POU1F1: variants seen among roughly 807,000 people sequenced by gnomAD.
The protein encoded by POU1F1 is pituitary-specific positive transcription factor 1.
In POU1F1, 23 loss-of-function variants were observed where a neutral mutation model predicts 32.3. The observed-to-expected ratio is 0.71, with a 90% confidence interval of 0.51 to 1.01. The LOEUF (loss-of-function observed/expected upper bound fraction) is 1.01, where lower values mean the gene tolerates loss of function less well. POU1F1 is among the 50% of genes least tolerant of loss of function. The pLI is 0.00. For missense variants in POU1F1, 323 were observed against 341.6 expected (o/e 0.95, Z 0.43); for synonymous variants, 120 against 115.6 (o/e 1.04, Z -0.25).
chr3:87,264,706 A>T (rs1231990589), intron 2 of POU1F1, among the ~76,000 whole-genome samples, 194 bp from the exon 3 acceptor site: 3 of 152,262 alleles, frequency 2.0e-5, no homozygotes, highest in Admixed American at 6.5e-5. Context: ...TTTGTCTTCT[A>T]CCTTCTCCAG....
Position 87,259,958 on chromosome 3 carries a change from C to T in POU1F1, c.812G>A (p.Arg271Gln). The change falls in exon 6 of 6, where the codon CGG (arginine) becomes CAG (glutamine). Residue 271 changes from arginine to glutamine, a missense_variant. Coordinates refer to ENST00000350375, the MANE Select transcript of POU1F1 (RefSeq NM_000306.4). ...WFCNRRQREK[R>Q]VKTSLNQSLF... ...ACTCTGATTCAGACTTGTTTTCACC[C>T]GTTTTTCTCTCTGCCTCCGGTTGCA... is the stretch of plus-strand genomic sequence containing the variant. 1 of 1,614,084 alleles carries T rather than the reference C, an allele frequency of 6.2e-7. No homozygotes were observed. Among genetic ancestry groups the T allele is most frequent in the Non-Finnish European group, 8.5e-7 (1 of 1,179,992 alleles).
At chr3:87,274,674 T>C (rs300980) in intron 1 of POU1F1, among the ~76,000 whole-genome samples, 126,261 of 151,342 alleles carry the variant, frequency 0.83, 54,574 homozygotes, top group Non-Finnish European at 0.94. Context: ...TCATTAAACA[T>C]ATTTAATACT....
rs1202104946 is a variant in POU1F1 at position 87,268,134 on chromosome 3, G to A, written c.215-3622C>T. ...ACAGCGTCTCGCTCTTGTTCCCTAG[G>A]CTGGAGTGCTCTCGGCTCACTGAAA... On this transcript the variant is annotated intron_variant, in intron 2 of 5. Coordinates refer to ENST00000350375, the MANE Select transcript of POU1F1 (RefSeq NM_000306.4). Among the ~76,000 whole-genome samples the A allele has an allele frequency of 3.5e-5, 5 of 141,552 alleles. No homozygotes were observed. The East Asian group carries it at 1.0e-3, about 29-fold the overall frequency. The allele number at this position is 141,552 out of a possible 152,430, so 92.9% of individuals were successfully genotyped here.
intron 2 of POU1F1, among the ~76,000 whole-genome samples, chr3:87,264,855 G>A (rs1210552796): frequency 6.6e-6 from 1 of 152,084 alleles, no homozygotes; most frequent in East Asian, 1.9e-4. Context: ...CTGGGAATCT[G>A]AGGTTGAACT....
intron 2 of POU1F1, among the ~76,000 whole-genome samples, chr3:87,267,424 C>T (rs1182269280): frequency 6.6e-5 from 10 of 152,184 alleles, no homozygotes; most frequent in South Asian, 2.1e-4. Context: ...AATCATTGCC[C>T]GGTTCATTCT....
Position 87,261,280 on chromosome 3 carries a change from T to C in POU1F1, c.658A>G (p.Thr220Ala). The C allele has an allele frequency of 6.3e-7, 1 of 1,577,870 alleles. No homozygotes were observed. The highest frequency in any genetic ancestry group is 8.7e-7 in the Non-Finnish European group (1 of 1,153,930). ...ANERKRKRRT[T>A]ISIAAKDALE... ...TTTTAATATAAAGAATACCTTATAG[T>C]TGTTCTTCGTTTTCTTTTCCTTTCA... The change falls in exon 5 of 6, where the codon ACT becomes GCT. Residue 220 changes from threonine to alanine, a missense_variant. By Grantham distance (58) the Thr-to-Ala change is moderately conservative. Coordinates refer to ENST00000350375, the MANE Select transcript of POU1F1 (RefSeq NM_000306.4).
chr3:87,261,300 C>A lies in POU1F1; in HGVS notation c.638G>T (p.Arg213Met). ...LYNEKVGANE[R>M]KRKRRTTISI... The stretch of plus-strand genomic sequence containing the variant: ...TATAGTTGTTCTTCGTTTTCTTTTC[C>A]TTTCATTTGCTCCCACTTTTTCATT... The change falls in exon 5 of 6, where the codon AGG (arginine) becomes ATG (methionine). Residue 213 changes from arginine (R) to methionine (M), a missense_variant. Arg to Met is a moderately conservative substitution (Grantham distance 91). Coordinates refer to ENST00000350375, the MANE Select transcript of POU1F1 (RefSeq NM_000306.4). 1 of 1,590,928 alleles carries A rather than the reference C, an allele frequency of 6.3e-7. No homozygotes were observed. Among genetic ancestry groups the A allele is most frequent in the African/African-American group, 1.3e-5 (1 of 74,454 alleles).
chr3:87,266,051 T>C (rs1706614056), intron 2 of POU1F1, among the ~76,000 whole-genome samples: 1 of 150,722 alleles, frequency 6.6e-6, no homozygotes, highest in African/African-American at 2.4e-5. Context: ...CTATAATTTC[T>C]CCACACATAC....
Position 87,264,365 on chromosome 3 carries a change from G to A in POU1F1, c.362C>T (p.Pro121Leu). 6.2e-7 allele frequency: 1 copy of A among 1,613,750 alleles called. No homozygotes were observed. The highest frequency in any genetic ancestry group is 8.5e-7 in the Non-Finnish European group (1 of 1,179,876). Residue 121 changes from proline to leucine, a missense_variant, in exon 3 of 6, where the codon CCA (proline) becomes CTA (leucine). By Grantham distance (98) the Pro-to-Leu change is moderately conservative. Coordinates refer to ENST00000350375, the MANE Select transcript of POU1F1 (RefSeq NM_000306.4). ...LRRKSKLVEEPIDMDSPEIRE... is the reference protein window; with the variant it reads ...LRRKSKLVEELIDMDSPEIRE... ...GATTTCTGGAGAATCCATGTCTATT[G>A]GCTCTTCCACCAATTTACTTTTCCG...
chr3:87,276,258 T>A, intron 1 of POU1F1, 63 bp downstream of exon 1: 1 of 1,549,918 alleles, frequency 6.5e-7, no homozygotes, highest in Non-Finnish European at 8.9e-7. Flanking sequence ...CTATCAAGAT[T>A]CAAAGCATTC....
At chr3:87,260,435 T>G (rs527835066) in intron 5 of POU1F1, among the ~76,000 whole-genome samples, 4 of 152,112 alleles carry the variant, frequency 2.6e-5, no homozygotes, top group African/African-American at 9.7e-5. Flanking sequence ...TTTCTAAATA[T>G]CTCCCCAAAA....
chr3:87,260,127 G>T, intron 5 of POU1F1, 23 bp from the exon 6 acceptor site: 1 of 1,598,584 alleles, frequency 6.3e-7, no homozygotes, highest in Non-Finnish European at 8.5e-7. Context: ...GGACATAGGG[G>T]GTGAAATTTT....
chr3:87,275,044 CATT>C (rs1281015005), intron 1 of POU1F1, among the ~76,000 whole-genome samples: 3 of 151,810 alleles, frequency 2.0e-5, no homozygotes, highest in Non-Finnish European at 4.4e-5. Context: ...GTATTATTCT[CATT>C]ATTCTCAATC....
chr3:87,259,866 A>T lies in POU1F1; in HGVS notation c.*28T>A. ...GGAAGAGAAAGGAATGAAACGGGAG[A>T]AAAAGGCTATTATACAATAGAAAAA... On this transcript the variant is annotated 3_prime_UTR_variant, in exon 6 of 6. Coordinates refer to ENST00000350375, the MANE Select transcript of POU1F1 (RefSeq NM_000306.4). The T allele has an allele frequency of 3.2e-6, 5 of 1,576,768 alleles. No individual in the cohort carries two copies. Among genetic ancestry groups the T allele is most frequent in the African/African-American group, 1.3e-5 (1 of 74,246 alleles).
intron 3 of POU1F1, among the ~76,000 whole-genome samples, chr3:87,263,629 G>A (rs990399418): frequency 1.3e-5 from 2 of 151,916 alleles, no homozygotes; most frequent in East Asian, 1.9e-4. Flanking sequence ...TTTTTGCTGC[G>A]CATATATTTA....
At chr3:87,270,241 G>A (rs1361680619) in intron 2 of POU1F1, among the ~76,000 whole-genome samples, 3 of 152,096 alleles carry the variant, frequency 2.0e-5, no homozygotes, top group Non-Finnish European at 4.4e-5. Context: ...ACACAAATTT[G>A]CTACTACTCA....
chr3:87,273,603 T>G (rs1706767453), intron 1 of POU1F1, 185 bp from the exon 2 acceptor site: 1 of 1,179,648 alleles, frequency 8.5e-7, no homozygotes, highest in Admixed American at 2.8e-5. Context: ...TCATTTTGGG[T>G]AAGTTCTCTG....
At chr3:87,260,203 T>C in intron 5 of POU1F1, 99 bp from the exon 6 acceptor site, 1 of 920,210 alleles carries the variant, frequency 1.1e-6, no homozygotes, top group East Asian at 2.6e-5. Flanking sequence ...AATATTAACA[T>C]GAAAAGGAAA....
chr3:87,274,879 A>G (rs1027892203), intron 1 of POU1F1, among the ~76,000 whole-genome samples: 1 of 151,860 alleles, frequency 6.6e-6, no homozygotes, highest in Admixed American at 6.6e-5. Context: ...TTAGGAAGTT[A>G]AATACAGGAT....
Sources: allele counts gnomAD v4.1 joint callset (sites outside exome capture counted in the v4.1 genomes callset), GRCh38; gene constraint gnomAD v4.1.1; transcripts MANE v1.5; gene names NCBI Gene and HGNC (gene_info 2026-07-23, HGNC 2026-07-21).